The following PTPRG variants were observed in gnomAD, a reference collection of about 807,000 sequenced individuals.
PTPRG encodes protein tyrosine phosphatase receptor type G.
Under a neutral mutation model 165.3 loss-of-function variants are expected in PTPRG, and 102 were observed. The ratio of observed to expected loss-of-function variants is 0.62; its 90% CI spans 0.53 to 0.73. The LOEUF (loss-of-function observed/expected upper bound fraction) is 0.73. Among genes scored for constraint, PTPRG ranks in the 30% least tolerant of loss-of-function variants. The pLI is 0.00. For missense variants in PTPRG, 1,866 were observed against 1,861.4 expected (o/e 1.00, Z -0.05); for synonymous variants, 675 against 669.5 (o/e 1.01, Z -0.13).
chr3:62,281,486 C>T, intron 26 of PTPRG, 77 bp from the exon 27 acceptor site: 1 of 1,289,854 alleles, frequency 7.8e-7, no homozygotes, highest in Non-Finnish European at 1.0e-6. Flanking sequence ...TGGGAAATGA[C>T]AAAATCCGTA....
intron 2 of PTPRG, among the ~76,000 whole-genome samples, chr3:61,952,639 A>G (rs1415407623): frequency 6.6e-6 from 1 of 152,168 alleles, no homozygotes; most frequent in Non-Finnish European, 1.5e-5. Context: ...AACCAAGTTC[A>G]GTATCTCTGC....
intron 1 of PTPRG, among the ~76,000 whole-genome samples, chr3:61,696,235 C>T (rs924262062): frequency 1.3e-5 from 2 of 152,184 alleles, no homozygotes; most frequent in African/African-American, 4.8e-5. Context: ...GGCGCGGTGA[C>T]TCACGCCTAT....
At chr3:61,569,173 C>G (rs1480690469) in intron 1 of PTPRG, among the ~76,000 whole-genome samples, 2 of 152,124 alleles carry the variant, frequency 1.3e-5, no homozygotes, top group Non-Finnish European at 2.9e-5. Flanking sequence ...GAGCCTGGAA[C>G]TTGTTAATGC....
chr3:61,836,463 C>G (rs914971683), intron 2 of PTPRG, among the ~76,000 whole-genome samples: 1 of 152,176 alleles, frequency 6.6e-6, no homozygotes, highest in Non-Finnish European at 1.5e-5. Context: ...TTTCCTGTCT[C>G]CTGGAGGCCA....
chr3:61,606,032 A>G (rs1284965357), intron 1 of PTPRG, among the ~76,000 whole-genome samples: 1 of 152,174 alleles, frequency 6.6e-6, no homozygotes, highest in Non-Finnish European at 1.5e-5. Flanking sequence ...TCCATTTTCT[A>G]TTGCTGTATA....
chr3:61,680,671 G>GC (rs1703406269), intron 1 of PTPRG, among the ~76,000 whole-genome samples: 1 of 151,508 alleles, frequency 6.6e-6, no homozygotes, highest in Non-Finnish European at 1.5e-5. Flanking sequence ...GGAAAAACCA[G>GC]CCTCTGGTAT....
At chr3:61,743,119 C>A in intron 1 of PTPRG, 1 of 1,355,550 alleles carries the variant, frequency 7.4e-7, no homozygotes, top group Non-Finnish European at 1.1e-6. Flanking sequence ...CTTCTCACGC[C>A]GCGCTAACCG....
chr3:61,583,477 T>C (rs958736749), intron 1 of PTPRG, among the ~76,000 whole-genome samples: 8 of 152,218 alleles, frequency 5.3e-5, no homozygotes, highest in African/African-American at 1.9e-4. Flanking sequence ...AGTAAAGCAC[T>C]GGTCCCTAGC....
chr3:62,206,456 A>C (rs1700232532), intron 12 of PTPRG, among the ~76,000 whole-genome samples: 1 of 152,148 alleles, frequency 6.6e-6, no homozygotes, highest in South Asian at 2.1e-4. Context: ...GCTAATGATC[A>C]TGCTTAATGC....
At chr3:62,160,689 T>G (rs563413954) in intron 7 of PTPRG, among the ~76,000 whole-genome samples, 2 of 152,244 alleles carry the variant, frequency 1.3e-5, no homozygotes, top group Non-Finnish European at 2.9e-5. Flanking sequence ...TCTTTGCCCA[T>G]AGGCAACTAA....
At chr3:61,876,961 C>A (rs1039073700) in intron 2 of PTPRG, among the ~76,000 whole-genome samples, 2 of 151,766 alleles carry the variant, frequency 1.3e-5, no homozygotes, top group Non-Finnish European at 2.9e-5. Context: ...TGAACATTCT[C>A]GTTCTTGTGG....
At chr3:61,635,128 A>G (rs1229895779) in intron 1 of PTPRG, among the ~76,000 whole-genome samples, 2 of 152,098 alleles carry the variant, frequency 1.3e-5, no homozygotes, top group African/African-American at 4.8e-5. Flanking sequence ...CTTCTACTTG[A>G]TGGAGCCTGT....
intron 14 of PTPRG, among the ~76,000 whole-genome samples, chr3:62,241,506 A>G (rs1014479267): frequency 2.6e-5 from 4 of 152,178 alleles, no homozygotes; most frequent in Non-Finnish European, 5.9e-5. Context: ...GGGAAAATCC[A>G]TTATAAACAG....
At chr3:62,286,600 C>T (rs1027532609) in intron 28 of PTPRG, among the ~76,000 whole-genome samples, 1 of 151,722 alleles carries the variant, frequency 6.6e-6, no homozygotes, top group African/African-American at 2.4e-5. Flanking sequence ...GCTTAAAGTA[C>T]TTTCATTTCT....
chr3:61,968,241 A>G (rs2040312228), intron 2 of PTPRG, among the ~76,000 whole-genome samples: 1 of 152,126 alleles, frequency 6.6e-6, no homozygotes, highest in African/African-American at 2.4e-5. Context: ...AATCATGGAT[A>G]TATGATTTCA....
At chr3:62,103,236 C>T (rs114174746) in intron 5 of PTPRG, among the ~76,000 whole-genome samples, 1,526 of 152,112 alleles carry the variant, frequency 0.01, 21 homozygotes, top group African/African-American at 0.035. Flanking sequence ...TCATAGCACG[C>T]GGAAAGGAAG....
chr3:61,858,998 A>G (rs535218046), intron 2 of PTPRG, among the ~76,000 whole-genome samples: 1 of 152,280 alleles, frequency 6.6e-6, no homozygotes, highest in East Asian at 1.9e-4. Flanking sequence ...AAGAATGAGG[A>G]GATGGAGACA....
chr3:62,096,247 C>T (rs1352962002), intron 5 of PTPRG, among the ~76,000 whole-genome samples: 2 of 152,132 alleles, frequency 1.3e-5, no homozygotes, highest in Non-Finnish European at 2.9e-5. Flanking sequence ...TGGGAGCATG[C>T]ATTTGAACCA....
In PTPRG at chr3:62,039,283, A is replaced by G. The variant is rs1251826530; in HGVS notation, c.519+35786A>G. ...GTTTTGTTTTTGTTTTTTTTTTTAA[A>G]GAGAAGTGTTGTATGTCTACTCTTC... On this transcript the variant is annotated intron_variant, in intron 4 of 29. Coordinates refer to ENST00000474889, the MANE Select transcript of PTPRG (RefSeq NM_002841.4). 7.3e-5 allele frequency among the ~76,000 whole-genome samples: 11 copies of G among 151,344 alleles called. No individual in the cohort carries two copies. The East Asian group carries it at 2.1e-3, about 29-fold the overall frequency.
Sources: gnomAD v4.1 joint callset for allele counts (sites outside exome capture counted in the v4.1 genomes callset) on GRCh38, gnomAD v4.1.1 for gene constraint, MANE v1.5 for transcripts, NCBI Gene and HGNC (gene_info 2026-07-23, HGNC 2026-07-21) for gene names.